OR9Q1: variants seen among roughly 807,000 people sequenced by gnomAD.
The protein encoded by OR9Q1 is olfactory receptor 9Q1.
For synonymous variants in OR9Q1, 153 were observed against 148.6 expected (o/e 1.03, Z -0.22); for missense variants, 374 against 378.8 (o/e 0.99, Z 0.11).
chr11:58,029,048 T>C (rs2119905008), intron 1 of OR9Q1, among the ~76,000 whole-genome samples: 1 of 152,334 alleles, frequency 6.6e-6, no homozygotes, highest in South Asian at 2.1e-4. Context: ...ACAACTAGGG[T>C]ATAACTGCTT....
chr11:58,173,321 G>A (rs936146978), intron 2 of OR9Q1, among the ~76,000 whole-genome samples: 1 of 122,988 alleles, frequency 8.1e-6, no homozygotes, highest in East Asian at 2.4e-4. Context: ...AGTGTGTGAT[G>A]TTCCCCTTCC....
At chr11:58,027,871 G>T (rs1852990995) in intron 1 of OR9Q1, among the ~76,000 whole-genome samples, 2 of 152,190 alleles carry the variant, frequency 1.3e-5, no homozygotes, top group Non-Finnish European at 2.9e-5. Flanking sequence ...AAGGCCACAG[G>T]TTCTGGCACT....
chr11:58,071,014 G>A (rs1853482183), intron 2 of OR9Q1, among the ~76,000 whole-genome samples: 2 of 152,168 alleles, frequency 1.3e-5, no homozygotes, highest in African/African-American at 4.8e-5. Flanking sequence ...CCTCAGTTCA[G>A]CTCCACAGAC....
intron 1 of OR9Q1, among the ~76,000 whole-genome samples, chr11:58,053,614 T>TATATATATAAAAA (rs1228948706): frequency 9.6e-6 from 1 of 104,022 alleles, no homozygotes; most frequent in Non-Finnish European, 2.1e-5. Context: ...AATTAAAAAA[T>TATATATATAAAAA]ATATATATAT....
intron 1 of OR9Q1, among the ~76,000 whole-genome samples, chr11:58,035,967 T>A (rs995374468): frequency 2.7e-5 from 4 of 149,146 alleles, no homozygotes; most frequent in Admixed American, 2.0e-4. Context: ...TTTTACAAAT[T>A]GAAGATTTGT....
At chr11:58,175,217 C>G (rs541079655) in intron 2 of OR9Q1, among the ~76,000 whole-genome samples, 3 of 150,018 alleles carry the variant, frequency 2.0e-5, no homozygotes, top group South Asian at 4.2e-4. Flanking sequence ...GATTTTGGAA[C>G]TGGGAAAAGA....
In OR9Q1 at chr11:58,053,132, A is replaced by C. The variant is rs1397634640; in HGVS notation, c.-92-2738A>C. On this transcript the variant is annotated intron_variant, in intron 1 of 2. Transcript: ENST00000335397. ...CCAAAGGACTATAAATCATGCTGCT[A>C]TAAAGACACATGCACACGTATGCTA... Among the ~76,000 whole-genome samples the C allele has an allele frequency of 3.9e-5, 6 of 151,952 alleles. No homozygotes were observed. The East Asian group carries it at 9.7e-4, about 25-fold the overall frequency.
intron 2 of OR9Q1, among the ~76,000 whole-genome samples, chr11:58,150,430 T>C (rs1474804189): frequency 6.6e-6 from 1 of 152,186 alleles, no homozygotes; most frequent in East Asian, 1.9e-4. Flanking sequence ...ACCTTGCCTC[T>C]ACAAAAAATA....
intron 1 of OR9Q1, among the ~76,000 whole-genome samples, chr11:58,034,965 C>T (rs1449303853): frequency 6.6e-6 from 1 of 151,684 alleles, no homozygotes; most frequent in Non-Finnish European, 1.5e-5. Flanking sequence ...GTAGCTGGGA[C>T]TACAGGTGCA....
intron 2 of OR9Q1, among the ~76,000 whole-genome samples, chr11:58,108,428 T>C (rs1853863710): frequency 6.6e-6 from 1 of 152,140 alleles, no homozygotes; most frequent in African/African-American, 2.4e-5. Context: ...CGCTTATGAC[T>C]ATGCTACTTT....
At chr11:58,039,765 T>C (rs571170542) in intron 1 of OR9Q1, among the ~76,000 whole-genome samples, 5 of 152,342 alleles carry the variant, frequency 3.3e-5, no homozygotes, top group African/African-American at 1.2e-4. Context: ...ACAAACTCTT[T>C]GCTAATAAGG....
intron 2 of OR9Q1, among the ~76,000 whole-genome samples, chr11:58,154,216 G>A (rs1009091877): frequency 2.0e-5 from 3 of 150,852 alleles, no homozygotes; most frequent in Non-Finnish European, 4.4e-5. Context: ...GAAGGAGGAA[G>A]GAAAGCAACT....
intron 1 of OR9Q1, among the ~76,000 whole-genome samples, chr11:58,050,329 G>T (rs1853261907): frequency 6.9e-6 from 1 of 144,234 alleles, no homozygotes; most frequent in South Asian, 2.3e-4. Flanking sequence ...ACAAACCTGA[G>T]AAAAACAAGC....
rs999049741 is a variant in OR9Q1, at chr11:58,180,183, G to A, written c.739G>A (p.Val247Met). 1 of 1,614,016 alleles carries A rather than the reference G, an allele frequency of 6.2e-7. No individual in the cohort carries two copies. Among genetic ancestry groups the A allele is most frequent in the Non-Finnish European group, 8.5e-7 (1 of 1,179,964 alleles). ...FSTCTSHLTA[V>M]SLFFGTLIFM... ...CACCTGCACCTCCCACCTCACTGCT[G>A]TGTCACTCTTCTTTGGTACCCTCAT... Residue 247 changes from valine to methionine, a missense_variant, in exon 3 of 3, where the codon GTG (valine) becomes ATG (methionine). By Grantham distance (21) the Val-to-Met change is conservative. Transcript: ENST00000335397.
intron 2 of OR9Q1, among the ~76,000 whole-genome samples, chr11:58,059,468 G>C (rs1344261369): frequency 6.6e-6 from 1 of 152,046 alleles, no homozygotes; most frequent in Non-Finnish European, 1.5e-5. Context: ...GGCTGAGGCG[G>C]GCAGATCAAT....
rs560692442 is a variant in OR9Q1, at chr11:58,038,984, A to T, written c.-93+14880A>T. Among the ~76,000 whole-genome samples, 9 of 151,822 alleles carry T rather than the reference A, an allele frequency of 5.9e-5. No homozygotes were observed. In the East Asian group the frequency reaches 1.2e-3, roughly 20 times the overall value. ...ATTGAATCTTCTTCTTTATTTTTAA[A>T]TTATTTATTTATTTATTTATTTTGA... On this transcript the variant is annotated intron_variant, in intron 1 of 2. Transcript: ENST00000335397.
At chr11:58,162,522 G>T (rs1854466283) in intron 2 of OR9Q1, among the ~76,000 whole-genome samples, 1 of 152,170 alleles carries the variant, frequency 6.6e-6, no homozygotes, top group African/African-American at 2.4e-5. Context: ...TTTGGAAAAG[G>T]TAGGGCACTA....
intron 2 of OR9Q1, among the ~76,000 whole-genome samples, chr11:58,119,818 C>A (rs796829164): frequency 7.0e-6 from 1 of 143,322 alleles, no homozygotes; most frequent in African/African-American, 3.0e-5. Context: ...GCCGTATGAG[C>A]CTCCATCTGC....
At chr11:58,038,303 G>A (rs1009640960) in intron 1 of OR9Q1, among the ~76,000 whole-genome samples, 1 of 152,108 alleles carries the variant, frequency 6.6e-6, no homozygotes, top group Non-Finnish European at 1.5e-5. Flanking sequence ...ACTACTAATG[G>A]CAGATCAATC....
Sources: gnomAD v4.1 joint callset for allele counts (sites outside exome capture counted in the v4.1 genomes callset) on GRCh38, gnomAD v4.1.1 for gene constraint, MANE v1.5 for transcripts, NCBI Gene and HGNC (gene_info 2026-07-23, HGNC 2026-07-21) for gene names.